The following SRPK2 variants were observed in gnomAD, a reference collection of about 807,000 sequenced individuals.
SRPK2 encodes the protein SRSF protein kinase 2, also known as SFRS protein kinase 2.
A neutral mutation model predicts 90.8 loss-of-function variants in SRPK2; 21 were observed. That is an observed-to-expected ratio of 0.23 (90% CI 0.16 to 0.33). The LOEUF (loss-of-function observed/expected upper bound fraction) is 0.33, where lower values mean the gene tolerates loss of function less well. Ranked by LOEUF, SRPK2 falls within the 10% of genes least tolerant of loss-of-function variation. The pLI is 1.00. For missense variants in SRPK2, 620 were observed against 869.0 expected, an observed-to-expected ratio of 0.71 and a Z score of 3.60; for synonymous variants, 288 against 311.1, an observed-to-expected ratio of 0.93 and a Z score of 0.78.
chr7:105,181,944 G>C (rs1792904568), intron 3 of SRPK2, among the ~76,000 whole-genome samples: 1 of 147,174 alleles, frequency 6.8e-6, no homozygotes, highest in Non-Finnish European at 1.5e-5. Context: ...ATTCAACTGA[G>C]ATGGCCAGGC....
At chr7:105,343,807 G>C (rs1421950225) in intron 2 of SRPK2, among the ~76,000 whole-genome samples, 1 of 151,956 alleles carries the variant, frequency 6.6e-6, no homozygotes. Context: ...TTGTCGCCCA[G>C]GCTGGAGTGC....
intron 3 of SRPK2, among the ~76,000 whole-genome samples, chr7:105,178,280 C>G (rs1385743638): frequency 1.3e-5 from 2 of 152,048 alleles, no homozygotes; most frequent in East Asian, 3.9e-4. Flanking sequence ...CACTTAGTAG[C>G]AACCAAAAAT....
At chr7:105,295,491 T>C (rs1407670496) in intron 2 of SRPK2, among the ~76,000 whole-genome samples, 2 of 152,182 alleles carry the variant, frequency 1.3e-5, no homozygotes, top group Non-Finnish European at 2.9e-5. Flanking sequence ...TGACACATGC[T>C]ACAAGATGGA....
chr7:105,362,768 T>A (rs1818584435), intron 2 of SRPK2, among the ~76,000 whole-genome samples: 1 of 152,092 alleles, frequency 6.6e-6, no homozygotes, highest in Non-Finnish European at 1.5e-5. Context: ...GTGGCACTAT[T>A]CACAATAGCA....
intron 2 of SRPK2, among the ~76,000 whole-genome samples, chr7:105,267,000 G>C (rs999609584): frequency 1.2e-4 from 18 of 152,070 alleles, no homozygotes; most frequent in Non-Finnish European, 1.5e-5. Flanking sequence ...ATTAAGTCAG[G>C]ACAGCATAAT....
At chr7:105,394,150 T>TC (rs1023772967), upstream of SRPK2, among the ~76,000 whole-genome samples, 4 of 150,916 alleles carry the variant, frequency 2.7e-5, no homozygotes, top group African/African-American at 9.7e-5. Flanking sequence ...TCTTTCTTTT[T>TC]TTTTTTTTTT....
chr7:105,369,367 C>A (rs1819457068), intron 2 of SRPK2, among the ~76,000 whole-genome samples: 2 of 151,964 alleles, frequency 1.3e-5, no homozygotes, highest in African/African-American at 4.8e-5. Flanking sequence ...AGGCTGGTAT[C>A]GAACTCCTGA....
intron 2 of SRPK2, among the ~76,000 whole-genome samples, chr7:105,294,401 G>C (rs569822202): frequency 7.6e-4 from 115 of 151,966 alleles, no homozygotes; most frequent in Non-Finnish European, 4.6e-4. Context: ...AGAGGTTTTG[G>C]TGAAAAAAAA....
At chr7:105,365,863 C>CT (rs199599172) in intron 2 of SRPK2, among the ~76,000 whole-genome samples, 7,126 of 145,068 alleles carry the variant, frequency 0.049, 259 homozygotes, top group East Asian at 0.17. Flanking sequence ...TTATTTCTTC[C>CT]TTTTTTTTTT....
chr7:105,333,218 A>G (rs1814655683), intron 2 of SRPK2, among the ~76,000 whole-genome samples: 1 of 152,152 alleles, frequency 6.6e-6, no homozygotes, highest in Non-Finnish European at 1.5e-5. Context: ...AAATAAATAG[A>G]AACAACCAAA....
At chr7:105,322,030 G>GTTT (rs1812994350) in intron 2 of SRPK2, among the ~76,000 whole-genome samples, 1 of 152,148 alleles carries the variant, frequency 6.6e-6, no homozygotes, top group Non-Finnish European at 1.5e-5. Flanking sequence ...TAGCCAAAAA[G>GTTT]TGAAAACAAC....
chr7:105,337,849 A>G (rs997179125), intron 2 of SRPK2, among the ~76,000 whole-genome samples: 1 of 152,150 alleles, frequency 6.6e-6, no homozygotes, highest in Non-Finnish European at 1.5e-5. Flanking sequence ...CGGGTCAACT[A>G]AGACAGTGAT....
chr7:105,249,389 T>C (rs1659042269), intron 2 of SRPK2, among the ~76,000 whole-genome samples: 1 of 152,194 alleles, frequency 6.6e-6, no homozygotes, highest in Non-Finnish European at 1.5e-5. Flanking sequence ...GAAAATGCTC[T>C]GTAAAATGAA....
chr7:105,190,237 G>T (rs1794110224), intron 3 of SRPK2, among the ~76,000 whole-genome samples: 1 of 152,304 alleles, frequency 6.6e-6, no homozygotes, highest in South Asian at 2.1e-4. Context: ...TGGAATGACT[G>T]CAAGTATGAC....
intron 2 of SRPK2, among the ~76,000 whole-genome samples, chr7:105,271,248 CA>C (rs56704206): frequency 0.011 from 1,636 of 152,330 alleles, 22 homozygotes; most frequent in African/African-American, 0.037. Context: ...GATTAAATTA[CA>C]CAGCTCTAAC....
chr7:105,182,443 C>A (rs952239392), intron 3 of SRPK2, among the ~76,000 whole-genome samples: 4 of 129,394 alleles, frequency 3.1e-5, no homozygotes, highest in African/African-American at 9.5e-5. Flanking sequence ...GACTTTGTTT[C>A]CCCCCCCGCC....
At chr7:105,357,037 ATTTT>A (rs35074269) in intron 2 of SRPK2, among the ~76,000 whole-genome samples, 3 of 143,018 alleles carry the variant, frequency 2.1e-5, no homozygotes, top group Non-Finnish European at 4.6e-5. Context: ...GTAAACACTA[ATTTT>A]TTTTTTTTTT....
intron 2 of SRPK2, among the ~76,000 whole-genome samples, chr7:105,347,470 T>C (rs1351195894): frequency 3.3e-5 from 5 of 151,686 alleles, no homozygotes; most frequent in African/African-American, 1.2e-4. Flanking sequence ...ATCACAGGAG[T>C]GAGCCACCAT....
intron 2 of SRPK2, among the ~76,000 whole-genome samples, chr7:105,377,736 A>G (rs1323551525): frequency 1.3e-5 from 2 of 152,042 alleles, no homozygotes; most frequent in African/African-American, 4.8e-5. Flanking sequence ...GCCTGGCCAA[A>G]GTCACCATTA....
Sources: gnomAD v4.1 joint callset for allele counts (sites outside exome capture counted in the v4.1 genomes callset) on GRCh38, gnomAD v4.1.1 for gene constraint, MANE v1.5 for transcripts, NCBI Gene and HGNC (gene_info 2026-07-23, HGNC 2026-07-21) for gene names.